LARGE1: variants seen among roughly 807,000 people sequenced by gnomAD.
LARGE1 encodes the protein xylosyl- and glucuronyltransferase LARGE1.
In LARGE1, 43 loss-of-function variants were observed where a neutral mutation model predicts 87.6. The observed-to-expected ratio is 0.49, with a 90% CI of 0.38 to 0.63. LARGE1 has a LOEUF of 0.63. Among genes scored for constraint, LARGE1 ranks in the 30% least tolerant of loss-of-function variants. The pLI, the probability that LARGE1 is intolerant of heterozygous loss-of-function variation, is 0.00. For missense variants in LARGE1, 802 were observed against 1,000.2 expected (o/e 0.80, Z 2.67); for synonymous variants, 434 against 394.6 (o/e 1.10, Z -1.18).
At chr22:33,713,933 G>A (rs1278631637) in intron 2 of LARGE1, among the ~76,000 whole-genome samples, 1 of 151,976 alleles carries the variant, frequency 6.6e-6, no homozygotes, top group African/African-American at 2.4e-5. Context: ...TCCAGCCTGG[G>A]TGACAGCAAG....
At chr22:33,464,094 G>A (rs1033146618) in intron 6 of LARGE1, among the ~76,000 whole-genome samples, 17 of 152,080 alleles carry the variant, frequency 1.1e-4, no homozygotes, top group Admixed American at 2.0e-4. Flanking sequence ...ACACAATGTA[G>A]TATTGACTTA....
chr22:33,743,309 T>C (rs1336192880), intron 2 of LARGE1: 2 of 152,206 alleles, frequency 1.3e-5, no homozygotes, highest in Admixed American at 6.5e-5. Flanking sequence ...GGAAGTTCAC[T>C]GTCAGATCTT....
intron 6 of LARGE1, among the ~76,000 whole-genome samples, chr22:33,504,765 C>CATT (rs2070683739): frequency 6.6e-6 from 1 of 152,066 alleles, no homozygotes; most frequent in Non-Finnish European, 1.5e-5. Flanking sequence ...TCATAGGAAG[C>CATT]ATTAGTCTCA....
intron 11 of LARGE1, among the ~76,000 whole-genome samples, chr22:33,214,693 T>G (rs546647154): frequency 5.3e-5 from 8 of 152,190 alleles, no homozygotes; most frequent in Non-Finnish European, 1.0e-4. Context: ...GCTGAGAGAA[T>G]GGTTCCCTAC....
intron 11 of LARGE1, among the ~76,000 whole-genome samples, chr22:33,247,467 A>G (rs1345800496): frequency 2.0e-5 from 3 of 152,208 alleles, no homozygotes; most frequent in Non-Finnish European, 4.4e-5. Flanking sequence ...ATTATTGATG[A>G]TGTTTGAAAA....
intron 2 of LARGE1, among the ~76,000 whole-genome samples, chr22:33,658,634 C>A (rs932057183): frequency 6.6e-6 from 1 of 152,198 alleles, no homozygotes; most frequent in African/African-American, 2.4e-5. Context: ...CTTTTTATGG[C>A]TGCATAGTAT....
In LARGE1 at chr22:33,920,409, A is replaced by G. The variant is rs1432856972; in HGVS notation, c.-497T>C. On this transcript the variant is annotated 5_prime_UTR_variant, in exon 1 of 15. Coordinates refer to ENST00000397394, the MANE Select transcript of LARGE1 (RefSeq NM_133642.5). Reference sequence around the variant, plus strand: ...GCCTGCCCGCGAACAGCCCGGCGAGACGAGCGCGGCCGCGCCCCCAGCTTC... The same window carrying G: ...GCCTGCCCGCGAACAGCCCGGCGAGGCGAGCGCGGCCGCGCCCCCAGCTTC... 8.7e-5 allele frequency: 13 copies of G among 148,920 alleles called. No homozygotes were observed. Among genetic ancestry groups the G allele is most frequent in the Admixed American group, 8.7e-4 (13 of 15,020 alleles). 9.2% of individuals were successfully genotyped at this position (148,920 alleles called of 1,614,324 possible).
chr22:33,450,288 T>A (rs1040157846), intron 6 of LARGE1, among the ~76,000 whole-genome samples: 1 of 151,324 alleles, frequency 6.6e-6, no homozygotes, highest in Non-Finnish European at 1.5e-5. Context: ...TGTAGGATAT[T>A]TTGGACCAAA....
intron 2 of LARGE1, among the ~76,000 whole-genome samples, chr22:33,741,627 C>T (rs1466546663): frequency 6.6e-6 from 1 of 152,194 alleles, no homozygotes; most frequent in Non-Finnish European, 1.5e-5. Flanking sequence ...TCTGGCAGCA[C>T]CAACACAGCC....
intron 11 of LARGE1, among the ~76,000 whole-genome samples, chr22:33,264,138 A>T (rs1927797882): frequency 6.6e-6 from 1 of 152,216 alleles, no homozygotes; most frequent in Non-Finnish European, 1.5e-5. Context: ...AACACAGAAG[A>T]TCAACTCCTT....
At chr22:33,128,705 AAAAAG>A in the LARGE1 span, among the ~76,000 whole-genome samples, 49 of 132,442 alleles carry the variant, frequency 3.7e-4, no homozygotes, top group African/African-American at 1.2e-3. Context: ...AAAGAAAAAG[AAAAAG>A]AAAAGAAAAG....
chr22:33,911,529 C>A (rs934413880), intron 1 of LARGE1, among the ~76,000 whole-genome samples: 1 of 152,140 alleles, frequency 6.6e-6, no homozygotes, highest in East Asian at 1.9e-4. Context: ...GACATGGGAG[C>A]GCCGGTCTAC....
At chr22:33,082,003 T>C in the LARGE1 span, among the ~76,000 whole-genome samples, 1 of 152,156 alleles carries the variant, frequency 6.6e-6, no homozygotes, top group Admixed American at 6.5e-5. Context: ...ATAGATAATA[T>C]TGTTGTTATT....
chr22:33,906,107 G>C (rs1049623888), intron 1 of LARGE1, among the ~76,000 whole-genome samples: 3 of 152,048 alleles, frequency 2.0e-5, no homozygotes, highest in African/African-American at 7.2e-5. Context: ...TCCGGCCTGG[G>C]CAACGGAGCG....
Position 33,259,942 on chromosome 22 carries a change from C to T in LARGE1, c.1730+44287G>A, listed in dbSNP as rs574042544. On this transcript the variant is annotated intron_variant, in intron 11 of 11. Coordinates refer to the LARGE1 transcript ENST00000608642. ...GGCCCTCCCAGGTCTGGCCAATTTG[C>T]GTTCCATATGCAAATTAACCAAGCC... Among the ~76,000 whole-genome samples the T allele has an allele frequency of 3.9e-5, 6 of 152,336 alleles. No homozygotes were observed. The South Asian group carries it at 6.2e-4, about 16-fold the overall frequency.
intron 1 of LARGE1, among the ~76,000 whole-genome samples, chr22:33,851,632 C>G (rs1012408637): frequency 6.6e-6 from 1 of 152,236 alleles, no homozygotes; most frequent in Non-Finnish European, 1.5e-5. Context: ...CATTGGTTCA[C>G]TGCAGCAAGG....
At chr22:33,383,289 G>A (rs924649760) in intron 8 of LARGE1, among the ~76,000 whole-genome samples, 1 of 152,188 alleles carries the variant, frequency 6.6e-6, no homozygotes, top group African/African-American at 2.4e-5. Flanking sequence ...GCTGGGTGCA[G>A]AGACTCATGC....
At chr22:33,881,144 G>A (rs955490093) in intron 1 of LARGE1, among the ~76,000 whole-genome samples, 1 of 152,128 alleles carries the variant, frequency 6.6e-6, no homozygotes, top group African/African-American at 2.4e-5. Context: ...CATATGGAGA[G>A]TCTGACGTTC....
At chr22:33,536,763 G>A (rs1293792968) in intron 6 of LARGE1, among the ~76,000 whole-genome samples, 3 of 152,224 alleles carry the variant, frequency 2.0e-5, no homozygotes. Context: ...TGAGGAAACT[G>A]AGGCTTACAG....
Sources: allele counts gnomAD v4.1 joint callset (sites outside exome capture counted in the v4.1 genomes callset), GRCh38; gene constraint gnomAD v4.1.1; transcripts MANE v1.5; gene names NCBI Gene and HGNC (gene_info 2026-07-23, HGNC 2026-07-21).